The following RNF157 variants were observed in gnomAD, a reference collection of about 807,000 sequenced individuals.
RNF157 encodes the protein E3 ubiquitin ligase RNF157.
In RNF157, 55 loss-of-function variants were observed where a neutral mutation model predicts 88.3. The ratio of observed to expected loss-of-function variants is 0.62; its 90% CI spans 0.50 to 0.78. The LOEUF (loss-of-function observed/expected upper bound fraction) is 0.78, where lower values mean the gene tolerates loss of function less well. Among genes scored for constraint, RNF157 ranks in the 30% least tolerant of loss-of-function variants. The pLI, the probability that RNF157 is intolerant of heterozygous loss-of-function variation, is 0.00. For missense variants in RNF157, 788 were observed against 860.8 expected (o/e 0.92, Z 1.06); for synonymous variants, 334 against 341.2 (o/e 0.98, Z 0.23).
At chr17:76,162,069 G>A in intron 9 of RNF157, 67 bp from the exon 10 acceptor site, 3 of 1,508,778 alleles carry the variant, frequency 2.0e-6, no homozygotes, top group Admixed American at 1.9e-5. Context: ...TTACTGACAA[G>A]GCAGCGTGGC....
chr17:76,169,465 T>A (rs1160464341), intron 3 of RNF157, among the ~76,000 whole-genome samples: 3 of 152,102 alleles, frequency 2.0e-5, no homozygotes, highest in African/African-American at 7.2e-5. Flanking sequence ...AGAGATGGGG[T>A]CTCACTATGT....
chr17:76,160,012 A>T lies in RNF157; in HGVS notation c.1066-439T>A, dbSNP rs2068824473. ...TCCTCTTTAAAAAAATAGAGATGGGATCTCACTATGTTGCCCAGGCTGGTC... is the reference window on the plus strand; with the variant it reads ...TCCTCTTTAAAAAAATAGAGATGGGTTCTCACTATGTTGCCCAGGCTGGTC... On this transcript the variant is annotated intron_variant, in intron 11 of 18. Transcript: ENST00000269391. This position sits in a 1 kb window ranked among gnomAD's most constrained non-coding sequence, Gnocchi z 4.3. 6.6e-6 allele frequency among the ~76,000 whole-genome samples: 1 copy of T among 152,062 alleles called. No individual in the cohort carries two copies. The highest frequency in any genetic ancestry group is 1.5e-5 in the Non-Finnish European group (1 of 68,006).
At chr17:76,192,828 C>G (rs928751328) in intron 2 of RNF157, among the ~76,000 whole-genome samples, 1 of 150,768 alleles carries the variant, frequency 6.6e-6, no homozygotes, top group Non-Finnish European at 1.5e-5. Flanking sequence ...TTTCAGCTCT[C>G]CCACTTTCTT....
intron 1 of RNF157, among the ~76,000 whole-genome samples, chr17:76,229,013 C>A (rs2070143568): frequency 6.6e-6 from 1 of 152,190 alleles, no homozygotes; most frequent in Non-Finnish European, 1.5e-5. Flanking sequence ...CACCACACAT[C>A]CAGTAATTCC....
rs567188534 is a variant in RNF157 at position 76,156,872 on chromosome 17, T to C, written c.1414-551A>G. On this transcript the variant is annotated intron_variant, in intron 13 of 18. Transcript: ENST00000269391. ...CACAGCCTCACCCGTCCAAGATGGATGCAAAGTTCTACGAACTGTATCTCC... is the reference window on the plus strand; with the variant it reads ...CACAGCCTCACCCGTCCAAGATGGACGCAAAGTTCTACGAACTGTATCTCC... 5.9e-5 allele frequency among the ~76,000 whole-genome samples: 9 copies of C among 152,240 alleles called. No homozygotes were observed. In the South Asian group the frequency reaches 1.7e-3, roughly 28 times the overall value.
intron 6 of RNF157, among the ~76,000 whole-genome samples, chr17:76,165,948 G>A (rs1389483921): frequency 6.6e-6 from 1 of 151,912 alleles, no homozygotes; most frequent in Admixed American, 6.6e-5. Flanking sequence ...AAAGTGCTAG[G>A]ATTACAGGGA....
intron 2 of RNF157, among the ~76,000 whole-genome samples, chr17:76,202,128 TCACACACACACACA>T (rs60491535): frequency 1.1e-3 from 151 of 134,664 alleles, no homozygotes; most frequent in Non-Finnish European, 1.4e-3. Context: ...TCTCTCTCTC[TCACACACACACACA>T]CACACACACA....
rs1338875064 is a variant in RNF157, at chr17:76,161,483, A to G, written c.1065+52T>C. 1.3e-5 allele frequency: 17 copies of G among 1,359,684 alleles called. No individual in the cohort carries two copies. In the South Asian group the frequency reaches 1.6e-4, roughly 13 times the overall value. The allele number at this position is 1,359,684 out of a possible 1,614,324, so 84.2% of individuals were successfully genotyped here. A position where few individuals can be genotyped will look rare whatever the true frequency, so the allele number is the denominator to read the frequency against. ...GTAGAGAAGCATGAAAAGTTTAAAA[A>G]AGCCAATGAGGCATTTGCTTCAGAG... On this transcript the variant is annotated intron_variant, in intron 11 of 18. Coordinates refer to ENST00000269391, the MANE Select transcript of RNF157 (RefSeq NM_052916.3). The surrounding 1 kb of genome is among the most constrained non-coding windows in gnomAD (Gnocchi z 4.6).
intron 1 of RNF157, among the ~76,000 whole-genome samples, chr17:76,215,184 C>T (rs115264954): frequency 1.3e-3 from 204 of 152,220 alleles, no homozygotes; most frequent in African/African-American, 4.8e-3. Flanking sequence ...TGGATCTTGC[C>T]TGTAATCCTA....
chr17:76,236,102 T>C (rs575423019), intron 1 of RNF157, among the ~76,000 whole-genome samples: 23 of 152,224 alleles, frequency 1.5e-4, no homozygotes, highest in African/African-American at 2.7e-4. Flanking sequence ...CTCTAGTCAG[T>C]TGAAGGCCTT....
chr17:76,169,223 TC>T lies in RNF157; in HGVS notation c.297-1427del, dbSNP rs1271165239. ...TTCTCTCTGGATTTTTGCTCTACTT[TC>T]TAGAATATTTCAAGTTTTCTTCCTA... On this transcript the variant is annotated intron_variant, in intron 3 of 18. Transcript: ENST00000269391. Among the ~76,000 whole-genome samples the T allele has an allele frequency of 2.0e-5, 3 of 152,326 alleles. No individual in the cohort carries two copies. In the East Asian group the frequency reaches 5.8e-4, roughly 29 times the overall value.
At chr17:76,179,575 C>T (rs1435204662) in intron 2 of RNF157, among the ~76,000 whole-genome samples, 1 of 151,900 alleles carries the variant, frequency 6.6e-6, no homozygotes, top group Non-Finnish European at 1.5e-5. Context: ...GGCCTGTAGT[C>T]CCAGCTACTA....
At chr17:76,214,624 T>C (rs1202136965) in intron 1 of RNF157, among the ~76,000 whole-genome samples, 1 of 152,206 alleles carries the variant, frequency 6.6e-6, no homozygotes, top group Non-Finnish European at 1.5e-5. Flanking sequence ...TTTAATGCTA[T>C]GAAAGAAGGC....
intron 4 of RNF157, 121 bp downstream of exon 4, chr17:76,167,530 A>G (rs1733925504): frequency 8.6e-6 from 12 of 1,391,574 alleles, no homozygotes; most frequent in Admixed American, 1.9e-5. Flanking sequence ...GACTCTCCCT[A>G]TCTGGGAAGG....
At position 76,173,680 on chromosome 17, in the gene RNF157, GC is replaced by G. The variant is rs754979955; in HGVS notation, c.296+21del. ...CCCAAAGGAAGGTGCCTGGGACCTGGCCCCAGCCTCTGGGAACTTACTTGAC... is the reference window on the plus strand; with the variant it reads ...CCCAAAGGAAGGTGCCTGGGACCTGGCCCAGCCTCTGGGAACTTACTTGAC... On this transcript the variant is annotated intron_variant, in intron 3 of 18. Transcript: ENST00000269391. The G allele has an allele frequency of 1.9e-6, 3 of 1,571,454 alleles. No individual in the cohort carries two copies. The South Asian group carries it at 3.4e-5, about 18-fold the overall frequency.
intron 2 of RNF157, among the ~76,000 whole-genome samples, chr17:76,182,451 CTGTGTGTGTGTGTG>C (rs5822121): frequency 3.5e-5 from 5 of 144,028 alleles, no homozygotes; most frequent in African/African-American, 5.2e-5. Context: ...CGCATTTAGT[CTGTGTGTGTGTGTG>C]TGTGTGTGTG....
intron 2 of RNF157, among the ~76,000 whole-genome samples, chr17:76,178,321 T>C (rs2069136832): frequency 6.6e-6 from 1 of 152,204 alleles, no homozygotes; most frequent in Admixed American, 6.5e-5. Flanking sequence ...GAGAGCTGCT[T>C]GCAGTGCACC....
rs1357389547 is a variant in RNF157, at chr17:76,157,248, G to A, written c.1414-927C>T. Among the ~76,000 whole-genome samples the A allele has an allele frequency of 2.6e-5, 4 of 152,232 alleles. No individual in the cohort carries two copies. The highest frequency in any genetic ancestry group is 5.9e-5 in the Non-Finnish European group (4 of 68,044). ...CCCAAAGTGCCGGGATTCCAGGCGT[G>A]AGCCTCCGCGCCCGGCCAGTCACAC... On this transcript the variant is annotated intron_variant, in intron 13 of 18. Transcript: ENST00000269391. The surrounding 1 kb of genome is among the most constrained non-coding windows in gnomAD (Gnocchi z 5.6).
chr17:76,152,289 G>T (rs2068690210), intron 18 of RNF157, 66 bp downstream of exon 18: 2 of 1,037,114 alleles, frequency 1.9e-6, no homozygotes, highest in African/African-American at 1.6e-5. Flanking sequence ...GTACCAGGGT[G>T]AGAGCAGGGG....
Sources: allele counts gnomAD v4.1 joint callset (sites outside exome capture counted in the v4.1 genomes callset), GRCh38; gene constraint gnomAD v4.1.1; non-coding constraint Gnocchi (gnomAD v3.1); transcripts MANE v1.5; gene names NCBI Gene and HGNC (gene_info 2026-07-23, HGNC 2026-07-21).